The following LYST variants were observed in gnomAD, a reference collection of about 807,000 sequenced individuals.
LYST encodes the protein lysosomal trafficking regulator.
LYST carries 192 observed loss-of-function variants against 413.6 expected under a neutral mutation model. That is an observed-to-expected ratio of 0.46 (90% confidence interval 0.41 to 0.52). LYST has a LOEUF of 0.52. Ranked by LOEUF, LYST falls within the 20% of genes least tolerant of loss-of-function variation. The probability of loss-of-function intolerance (pLI) is 0.00; values close to 1 mark genes in which losing one functional copy is unlikely to be tolerated. For missense variants in LYST, 3,815 were observed against 4,499.9 expected, an observed-to-expected ratio of 0.85 and a Z score of 4.35; for synonymous variants, 1,525 against 1,567.3, an observed-to-expected ratio of 0.97 and a Z score of 0.64.
intron 48 of LYST, among the ~76,000 whole-genome samples, chr1:235,679,529 C>A (rs1659648179): frequency 6.6e-6 from 1 of 152,002 alleles, no homozygotes; most frequent in Admixed American, 6.6e-5. Flanking sequence ...ATTTTCTTAG[C>A]TGTATTTTTT....
chr1:235,724,306 T>A lies in LYST; in HGVS notation c.9163-126A>T, dbSNP rs1172978551. 2.2e-5 allele frequency: 17 copies of A among 769,998 alleles called. No individual in the cohort carries two copies. In the East Asian group the frequency reaches 4.3e-4, roughly 20 times the overall value. 47.7% of individuals were successfully genotyped at this position (769,998 alleles called of 1,614,324 possible). ...TTTTGTGGCAGATGGCAGATAAGAT[T>A]ACCTGAAAACTCTCCCAATGCAAAA... On this transcript the variant is annotated intron_variant, in intron 38 of 52. Coordinates refer to ENST00000389793, the MANE Select transcript of LYST (RefSeq NM_000081.4).
intron 41 of LYST, among the ~76,000 whole-genome samples, chr1:235,715,660 T>C (rs1311429478): frequency 6.6e-6 from 1 of 152,170 alleles, no homozygotes; most frequent in Non-Finnish European, 1.5e-5. Context: ...TGGCTCATAA[T>C]GTCTAAGCTG....
intron 1 of LYST, among the ~76,000 whole-genome samples, chr1:235,844,791 G>A (rs1300640463): frequency 1.3e-5 from 2 of 152,134 alleles, no homozygotes; most frequent in Non-Finnish European, 2.9e-5. Flanking sequence ...AACTGCACTT[G>A]TTCAGATTAA....
chr1:235,738,232 TCTCTGGCAAAGACTATACTGTAA>T, intron 31 of LYST: 1 of 1,610,798 alleles, frequency 6.2e-7, no homozygotes, highest in African/African-American at 1.3e-5. Context: ...CCAAAGATTG[TCTCTGGCAAAGACTATACTGTAA>T]CTGTAAACTC....
In LYST at chr1:235,697,094, C is replaced by G; in HGVS notation, c.10553G>C (p.Ser3518Thr). 1 of 1,613,912 alleles carries G rather than the reference C, an allele frequency of 6.2e-7. No homozygotes were observed. Among genetic ancestry groups the G allele is most frequent in the Non-Finnish European group, 8.5e-7 (1 of 1,179,792 alleles). ...ACATTTTATTTTACCTTGTTCCTTG[C>G]TATATGTCATCAGAAGACAGAAATT... ...SRNFCLLMTY[S>T]KEQGVRSMNS... is the part of the protein sequence containing the mutation. The change falls in exon 46 of 53, where the codon AGC becomes ACC. Residue 3518 changes from serine to threonine, a missense_variant. Physicochemically the swap from Ser to Thr is moderately conservative, Grantham distance 58. Transcript: ENST00000389793.
intron 4 of LYST, 102 bp downstream of exon 4, chr1:235,812,867 CAT>C: frequency 1.3e-6 from 1 of 750,438 alleles, no homozygotes; most frequent in Non-Finnish European, 2.4e-6. Flanking sequence ...ATCACAATAA[CAT>C]ATAGTGTTCT....
At chr1:235,704,708 T>C (rs1338358177) in intron 44 of LYST, among the ~76,000 whole-genome samples, 2 of 147,940 alleles carry the variant, frequency 1.4e-5, no homozygotes, top group East Asian at 3.8e-4. Context: ...AGGTTGTCTG[T>C]TTACTCTATT....
At position 235,780,754 on chromosome 1, in the gene LYST, G is replaced by A. The variant is rs944838788; in HGVS notation, c.5214+111C>T. 7 of 438,956 alleles carry A rather than the reference G, an allele frequency of 1.6e-5. No individual in the cohort carries two copies. The East Asian group carries it at 2.5e-4, about 16-fold the overall frequency. The allele number at this position is 438,956 out of a possible 1,614,324, so 27.2% of individuals were successfully genotyped here. ...AAACATAATTCTAAGAAAAGAAAAT[G>A]ATAAGGAACCACATTAAAATCTTTA... On this transcript the variant is annotated intron_variant, in intron 16 of 52. Transcript: ENST00000389793.
intron 1 of LYST, among the ~76,000 whole-genome samples, chr1:235,860,278 G>C (rs1179889715): frequency 2.6e-5 from 4 of 152,206 alleles, no homozygotes; most frequent in East Asian, 3.9e-4. Context: ...CACATGTACA[G>C]CCTCCCCAAC....
chr1:235,807,818 TA>T, intron 5 of LYST, among the ~76,000 whole-genome samples: 1 of 152,250 alleles, frequency 6.6e-6, no homozygotes, highest in African/African-American at 2.4e-5. Context: ...TTTCTACATA[TA>T]TTGCAGAGGT....
intron 1 of LYST, among the ~76,000 whole-genome samples, chr1:235,845,226 C>G (rs2103067458): frequency 6.6e-6 from 1 of 152,320 alleles, no homozygotes; most frequent in East Asian, 1.9e-4. Context: ...ACTGGAGAAG[C>G]TGAAGGTCTG....
intron 37 of LYST, 48 bp downstream of exon 37, chr1:235,729,548 A>G (rs764299046): frequency 1.4e-5 from 17 of 1,207,122 alleles, no homozygotes; most frequent in South Asian, 4.8e-5. Context: ...TCTAAGAATC[A>G]AATAAGGCAG....
Position 235,733,909 on chromosome 1 carries a change from A to G in LYST, c.8536-3T>C. On this transcript the variant is annotated splice_region_variant and splice_polypyrimidine_tract_variant and intron_variant, in intron 32 of 52. Transcript: ENST00000389793. ...TCAGTTTCATATTTCTTTTGTTCCT[A>G]GAAGATTTAGATAATAATATACTAT... 1 of 1,479,154 alleles carries G rather than the reference A, an allele frequency of 6.8e-7. No individual in the cohort carries two copies. Among genetic ancestry groups the G allele is most frequent in the Non-Finnish European group, 9.4e-7 (1 of 1,059,092 alleles). The allele number at this position is 1,479,154 out of a possible 1,614,324, so 91.6% of individuals were successfully genotyped here.
Position 235,875,412 on chromosome 1 carries a change from T to A in LYST, n.454+7775A>T, listed in dbSNP as rs190388673. Among the ~76,000 whole-genome samples, 220 of 152,360 alleles carry A rather than the reference T, an allele frequency of 1.4e-3. 1 individual carries two copies. Among genetic ancestry groups the A allele is most frequent in the African/African-American group, 4.8e-3 (201 of 41,596 alleles). On this transcript the variant is annotated intron_variant and non_coding_transcript_variant, in intron 1 of 11. Transcript: ENST00000465349. The stretch of plus-strand genomic sequence containing the variant: ...CCTGGGACAAATATCTTGGGGCTAT[T>A]GTGTGGCAATTACAGGGATGCTGAT...
At chr1:235,717,043 C>A (rs1662903251) in intron 40 of LYST, among the ~76,000 whole-genome samples, 1 of 152,210 alleles carries the variant, frequency 6.6e-6, no homozygotes, top group South Asian at 2.1e-4. Flanking sequence ...CTACTACTAT[C>A]CTTCTTTCCC....
chr1:235,841,543 C>T (rs1209606889), intron 1 of LYST, among the ~76,000 whole-genome samples: 2 of 151,974 alleles, frequency 1.3e-5, no homozygotes, highest in Non-Finnish European at 2.9e-5. Flanking sequence ...TTTTTTGTTT[C>T]TTTCTCCAGG....
intron 12 of LYST, among the ~76,000 whole-genome samples, chr1:235,789,715 T>C (rs958211973): frequency 6.6e-6 from 1 of 151,960 alleles, no homozygotes; most frequent in African/African-American, 2.4e-5. Context: ...AAAAGAAGAG[T>C]TAAGGTCACT....
At chr1:235,838,161 A>G (rs1285205019) in intron 1 of LYST, among the ~76,000 whole-genome samples, 1 of 152,220 alleles carries the variant, frequency 6.6e-6, no homozygotes, top group Non-Finnish European at 1.5e-5. Flanking sequence ...TGCAATAAAC[A>G]GCAAGACTGC....
intron 24 of LYST, among the ~76,000 whole-genome samples, chr1:235,756,541 G>C (rs980644358): frequency 3.3e-5 from 5 of 152,178 alleles, no homozygotes; most frequent in Non-Finnish European, 4.4e-5. Flanking sequence ...AGGTTGTATT[G>C]CAAGTGATTA....
Sources: allele counts gnomAD v4.1 joint callset (sites outside exome capture counted in the v4.1 genomes callset), GRCh38; gene constraint gnomAD v4.1.1; transcripts MANE v1.5; gene names NCBI Gene and HGNC (gene_info 2026-07-23, HGNC 2026-07-21).